Variants in CD200R1 observed in about 807,000 individuals in gnomAD.
The protein encoded by CD200R1 is CD200 receptor 1, also known as cell surface glycoprotein CD200 receptor 1.
Under a neutral mutation model 38.1 loss-of-function variants are expected in CD200R1, and 30 were observed. The observed-to-expected ratio is 0.79, with a 90% confidence interval of 0.59 to 1.07. CD200R1 has a LOEUF of 1.07. Ranked by LOEUF, CD200R1 falls within the 50% of genes least tolerant of loss-of-function variation. The pLI is 0.00. For missense variants in CD200R1, 372 were observed against 415.4 expected (o/e 0.90, Z 0.91); for synonymous variants, 128 against 152.1 (o/e 0.84, Z 1.16).
chr3:112,952,467 T>G (rs2107329447), intron 1 of CD200R1, among the ~76,000 whole-genome samples: 1 of 152,278 alleles, frequency 6.6e-6, no homozygotes, highest in South Asian at 2.1e-4. Context: ...TTAAAAATGA[T>G]GAGTTCATGT....
chr3:112,924,449 T>C (rs1389561953), intron 7 of CD200R1, 41 bp downstream of exon 7: 1 of 1,277,086 alleles, frequency 7.8e-7, no homozygotes, highest in Non-Finnish European at 1.0e-6. Context: ...TTTCAGACTA[T>C]TGGCTTAAGT....
intron 4 of CD200R1, 30 bp from the exon 5 acceptor site, chr3:112,929,094 T>C (rs1397788583): frequency 6.2e-7 from 1 of 1,612,758 alleles, no homozygotes; most frequent in Non-Finnish European, 8.5e-7. Flanking sequence ...AAAAAAATGC[T>C]TCGGTTTTCA....
intron 7 of CD200R1, 95 bp from the exon 8 acceptor site, chr3:112,923,894 A>T: frequency 1.4e-6 from 1 of 713,690 alleles, no homozygotes; most frequent in South Asian, 1.9e-5. Context: ...AGTATTTCTA[A>T]CAGGTGCTCA....
chr3:112,954,714 C>G (rs963107588), intron 1 of CD200R1, among the ~76,000 whole-genome samples: 1 of 152,138 alleles, frequency 6.6e-6, no homozygotes, highest in Admixed American at 6.5e-5. Flanking sequence ...GTGGTGTACC[C>G]GGAAAGAGCA....
At chr3:112,933,937 A>G (rs1404449876) in intron 2 of CD200R1, among the ~76,000 whole-genome samples, 1 of 152,080 alleles carries the variant, frequency 6.6e-6, no homozygotes, top group East Asian at 1.9e-4. Context: ...GATTTTAAAA[A>G]CAAAAAGAAA....
At chr3:112,944,282 A>G (rs1339527821) in intron 2 of CD200R1, among the ~76,000 whole-genome samples, 1 of 151,994 alleles carries the variant, frequency 6.6e-6, no homozygotes, top group Non-Finnish European at 1.5e-5. Flanking sequence ...GTAGTAAAAG[A>G]ATTATATTCC....
chr3:112,932,190 T>C (rs1428094202), intron 2 of CD200R1, among the ~76,000 whole-genome samples: 1 of 152,078 alleles, frequency 6.6e-6, no homozygotes, highest in Non-Finnish European at 1.5e-5. Flanking sequence ...TAGAGCCACT[T>C]TTGAAGTACA....
At chr3:112,944,651 A>C (rs1294039743) in intron 2 of CD200R1, among the ~76,000 whole-genome samples, 2 of 152,070 alleles carry the variant, frequency 1.3e-5, no homozygotes. Flanking sequence ...GCAATAAGAC[A>C]AGAAAAAATA....
At chr3:112,924,469 G>T (rs773264707) in intron 7 of CD200R1, 21 bp downstream of exon 7, 1 of 1,313,000 alleles carries the variant, frequency 7.6e-7, no homozygotes, top group South Asian at 2.0e-5. Context: ...TTTGCAATTA[G>T]TCTTTTTTAT....
chr3:112,936,294 T>C (rs1008729723), intron 2 of CD200R1, among the ~76,000 whole-genome samples: 3 of 152,210 alleles, frequency 2.0e-5, no homozygotes, highest in Non-Finnish European at 4.4e-5. Flanking sequence ...AATGGAATTA[T>C]TTATATTCCT....
chr3:112,963,693 C>G (rs987434379), intron 1 of CD200R1, among the ~76,000 whole-genome samples: 2 of 151,984 alleles, frequency 1.3e-5, no homozygotes, highest in Admixed American at 6.6e-5. Context: ...AAATTTGCAG[C>G]CTGACAGTGT....
At chr3:112,971,413 T>C (rs1182348314) in intron 1 of CD200R1, among the ~76,000 whole-genome samples, 1 of 152,170 alleles carries the variant, frequency 6.6e-6, no homozygotes, top group Non-Finnish European at 1.5e-5. Flanking sequence ...CAAGTATCTG[T>C]AGGAATTTTC....
intron 1 of CD200R1, among the ~76,000 whole-genome samples, chr3:112,964,242 A>C (rs1381730534): frequency 1.3e-5 from 2 of 152,234 alleles, no homozygotes; most frequent in Non-Finnish European, 2.9e-5. Flanking sequence ...CTACTGAGGC[A>C]CTGCCTAGTG....
At chr3:112,959,951 A>G (rs1197557260) in intron 1 of CD200R1, among the ~76,000 whole-genome samples, 2 of 152,094 alleles carry the variant, frequency 1.3e-5, no homozygotes, top group Non-Finnish European at 2.9e-5. Flanking sequence ...CAAAACATGT[A>G]CTATCTTTCT....
intron 2 of CD200R1, among the ~76,000 whole-genome samples, chr3:112,932,583 T>G (rs143044555): frequency 0.021 from 3,255 of 151,976 alleles, 40 homozygotes; most frequent in South Asian, 0.048. Context: ...ACTCAAGGCC[T>G]GAGAAATAGC....
intron 1 of CD200R1, among the ~76,000 whole-genome samples, chr3:112,971,234 T>C (rs1933302591): frequency 6.6e-6 from 1 of 152,174 alleles, no homozygotes; most frequent in Non-Finnish European, 1.5e-5. Context: ...TAAAACCTAA[T>C]ACAATGTAAA....
chr3:112,952,421 T>C (rs1342378478), intron 1 of CD200R1, among the ~76,000 whole-genome samples: 3 of 152,180 alleles, frequency 2.0e-5, no homozygotes, highest in African/African-American at 2.4e-5. Context: ...ATTAAGAAAA[T>C]GTGGCACATG....
intron 1 of CD200R1, among the ~76,000 whole-genome samples, chr3:112,949,767 G>A (rs748476804): frequency 2.6e-5 from 4 of 152,248 alleles, no homozygotes; most frequent in Admixed American, 6.5e-5. Flanking sequence ...AAAGCAGATC[G>A]CATGGCAAGT....
chr3:112,925,007 A>G (rs1457197259), intron 6 of CD200R1, 78 bp downstream of exon 6: 1 of 838,276 alleles, frequency 1.2e-6, no homozygotes, highest in Non-Finnish European at 2.0e-6. Flanking sequence ...AATATACCCA[A>G]TACGGTCAGT....
Sources: gnomAD v4.1 joint callset for allele counts (sites outside exome capture counted in the v4.1 genomes callset) on GRCh38, gnomAD v4.1.1 for gene constraint, MANE v1.5 for transcripts, NCBI Gene and HGNC (gene_info 2026-07-23, HGNC 2026-07-21) for gene names.